The following DGKI variants were observed in gnomAD, a reference collection of about 807,000 sequenced individuals.
DGKI encodes DAG kinase iota.
A neutral mutation model predicts 147.5 loss-of-function variants in DGKI; 55 were observed. The observed-to-expected ratio is 0.37, with a 90% CI of 0.30 to 0.47. DGKI has a LOEUF of 0.47. Among genes scored for constraint, DGKI ranks in the 20% least tolerant of loss-of-function variants. The pLI is 1.00. For synonymous variants in DGKI, 469 were observed against 477.1 expected (o/e 0.98, Z 0.22); for missense variants, 1,007 against 1,323.8 (o/e 0.76, Z 3.71).
intron 23 of DGKI, among the ~76,000 whole-genome samples, chr7:137,481,621 A>T (rs868387897): frequency 6.6e-6 from 1 of 152,142 alleles, no homozygotes; most frequent in East Asian, 1.9e-4. Flanking sequence ...TTAGGTTAAC[A>T]TGAGGTGTCA....
chr7:137,567,948 T>A (rs1350533308), intron 19 of DGKI, among the ~76,000 whole-genome samples: 3 of 152,182 alleles, frequency 2.0e-5, no homozygotes, highest in East Asian at 3.9e-4. Context: ...GAAGAGGTTG[T>A]AGGTGGGACA....
At chr7:137,503,999 G>T (rs1474474770) in intron 21 of DGKI, among the ~76,000 whole-genome samples, 1 of 152,120 alleles carries the variant, frequency 6.6e-6, no homozygotes, top group Non-Finnish European at 1.5e-5. Flanking sequence ...ACTAAAGCAT[G>T]TAAATAAAAG....
At chr7:137,517,091 T>C (rs892927890) in intron 21 of DGKI, among the ~76,000 whole-genome samples, 2 of 151,002 alleles carry the variant, frequency 1.3e-5, no homozygotes, top group Non-Finnish European at 3.0e-5. Context: ...TAAAAACCCA[T>C]AAATCCAGTG....
intron 23 of DGKI, among the ~76,000 whole-genome samples, chr7:137,483,097 CA>C (rs1563046761): frequency 6.6e-6 from 1 of 151,996 alleles, no homozygotes; most frequent in Non-Finnish European, 1.5e-5. Context: ...TATTACCAAA[CA>C]ATACATGCAA....
At chr7:137,552,113 T>C (rs532456141) in intron 20 of DGKI, among the ~76,000 whole-genome samples, 2 of 152,326 alleles carry the variant, frequency 1.3e-5, no homozygotes, top group East Asian at 3.9e-4. Flanking sequence ...CCAGTAAATA[T>C]ATTCTCAAGT....
intron 24 of DGKI, among the ~76,000 whole-genome samples, chr7:137,468,393 AT>A (rs1814745304): frequency 6.6e-6 from 1 of 152,252 alleles, no homozygotes; most frequent in African/African-American, 2.4e-5. Flanking sequence ...TAGATAGAAC[AT>A]AACAACATAA....
At chr7:137,491,404 C>T (rs1344661943) in intron 21 of DGKI, among the ~76,000 whole-genome samples, 1 of 152,154 alleles carries the variant, frequency 6.6e-6, no homozygotes, top group African/African-American at 2.4e-5. Flanking sequence ...AAACTCATCT[C>T]AATGGAATCT....
intron 6 of DGKI, among the ~76,000 whole-genome samples, chr7:137,640,550 C>G (rs1434372694): frequency 1.3e-5 from 2 of 152,144 alleles, no homozygotes; most frequent in Non-Finnish European, 2.9e-5. Context: ...GGATCCTCAC[C>G]CTTAAACGTC....
intron 8 of DGKI, among the ~76,000 whole-genome samples, chr7:137,618,948 G>C (rs1406372354): frequency 1.3e-5 from 2 of 152,130 alleles, no homozygotes; most frequent in African/African-American, 2.4e-5. Context: ...CAGTATCCCT[G>C]ATCCACCAGT....
At chr7:137,835,839 T>A (rs527562613) in intron 1 of DGKI, among the ~76,000 whole-genome samples, 2 of 152,196 alleles carry the variant, frequency 1.3e-5, no homozygotes, top group Non-Finnish European at 2.9e-5. Flanking sequence ...TGAAACAGCA[T>A]CCTGCAGTGA....
At chr7:137,755,821 C>T (rs1376357855) in intron 1 of DGKI, among the ~76,000 whole-genome samples, 1 of 152,132 alleles carries the variant, frequency 6.6e-6, no homozygotes, top group African/African-American at 2.4e-5. Context: ...CTCAGGATCG[C>T]AGAAACTGAC....
rs1469760354 is a variant in DGKI at position 137,382,685 on chromosome 7, T to G, written c.*8535A>C. On this transcript the variant is annotated 3_prime_UTR_variant, in exon 33 of 33. Transcript: ENST00000614521. ...TGTTACTACTAGGGTCTTCTTATTG[T>G]ACTACTTTTGAGAATCTTTTTTCCT... The G allele has an allele frequency of 6.6e-6, 1 of 152,094 alleles. No homozygotes were observed. Among genetic ancestry groups the G allele is most frequent in the Non-Finnish European group, 1.5e-5 (1 of 67,984 alleles). The allele number at this position is 152,094 out of a possible 1,614,324, so 9.4% of individuals were successfully genotyped here.
chr7:137,526,539 A>G (rs1430868535), intron 20 of DGKI, among the ~76,000 whole-genome samples: 1 of 152,056 alleles, frequency 6.6e-6, no homozygotes, highest in Non-Finnish European at 1.5e-5. Context: ...AACCATAATA[A>G]GAGCACTTGT....
At chr7:137,643,018 G>A (rs143226385) in intron 6 of DGKI, among the ~76,000 whole-genome samples, 191 of 150,998 alleles carry the variant, frequency 1.3e-3, no homozygotes, top group African/African-American at 3.8e-3. Flanking sequence ...TGGGCCGGGC[G>A]CGGTGGCTCA....
intron 10 of DGKI, among the ~76,000 whole-genome samples, chr7:137,606,610 G>A (rs376925048): frequency 1.4e-4 from 22 of 152,106 alleles, no homozygotes; most frequent in Non-Finnish European, 1.8e-4. Flanking sequence ...TGAATCATAC[G>A]CACATTAAAT....
rs765356799 is a variant in DGKI, at chr7:137,456,164, C to A, written c.2735+7325G>T. Among the ~76,000 whole-genome samples, 3 of 152,252 alleles carry A rather than the reference C, an allele frequency of 2.0e-5. No homozygotes were observed. The East Asian group carries it at 5.8e-4, about 29-fold the overall frequency. ...CGACCATACTTACCTTTTACTTTCT[C>A]GCTTGTGAAATACCAACATTTCTCC... On this transcript the variant is annotated intron_variant, in intron 27 of 32. Transcript: ENST00000614521.
intron 25 of DGKI, among the ~76,000 whole-genome samples, chr7:137,466,492 T>C (rs954954650): frequency 3.9e-5 from 6 of 152,206 alleles, no homozygotes; most frequent in African/African-American, 1.4e-4. Context: ...AACCATTTTT[T>C]TTTTCTCATC....
At chr7:137,696,532 G>T (rs1036042883) in intron 1 of DGKI, among the ~76,000 whole-genome samples, 2 of 140,562 alleles carry the variant, frequency 1.4e-5, no homozygotes, top group Admixed American at 7.8e-5. Flanking sequence ...TCTCAGACAG[G>T]ATTTAATTCC....
intron 1 of DGKI, among the ~76,000 whole-genome samples, chr7:137,737,605 A>C (rs761176732): frequency 6.6e-6 from 1 of 152,032 alleles, no homozygotes; most frequent in Non-Finnish European, 1.5e-5. Context: ...CTTGAGCCCA[A>C]GGCATTTCCT....
Sources: gnomAD v4.1 joint callset for allele counts (sites outside exome capture counted in the v4.1 genomes callset) on GRCh38, gnomAD v4.1.1 for gene constraint, MANE v1.5 for transcripts, NCBI Gene and HGNC (gene_info 2026-07-23, HGNC 2026-07-21) for gene names.